The following NEK10 variants were observed in gnomAD, a reference collection of about 807,000 sequenced individuals.
NEK10 encodes the protein NIMA related kinase 10.
In NEK10, 122 loss-of-function variants were observed where a neutral mutation model predicts 159.8. That is an observed-to-expected ratio of 0.76 (90% confidence interval 0.66 to 0.89). NEK10 has a LOEUF of 0.89. Among genes scored for constraint, NEK10 ranks in the 40% least tolerant of loss-of-function variants. NEK10 has a pLI of 0.00. For missense variants in NEK10, 1,342 were observed against 1,323.1 expected (o/e 1.01, Z -0.22); for synonymous variants, 466 against 457.1 (o/e 1.02, Z -0.25).
chr3:27,223,096 C>T lies in NEK10; in HGVS notation c.2091-20539G>A, dbSNP rs546129679. ...CAGTTTCCAATGATTTTCTAGAACC[C>T]TTTCTTCATATTAAATAATGTGCAG... On this transcript the variant is annotated intron_variant, in intron 23 of 35. Transcript: ENST00000691995. Among the ~76,000 whole-genome samples the T allele has an allele frequency of 5.1e-4, 77 of 152,138 alleles. 1 individual carries two copies. Among genetic ancestry groups the T allele is most frequent in the Non-Finnish European group, 9.4e-4 (64 of 68,034 alleles).
intron 29 of NEK10, among the ~76,000 whole-genome samples, chr3:27,169,334 A>G (rs1311821059): frequency 1.3e-5 from 2 of 151,992 alleles, no homozygotes; most frequent in African/African-American, 4.8e-5. Context: ...CCCCACAAAC[A>G]CCCACTGTGG....
rs1156593257 is a variant in NEK10 at position 27,107,642 on chromosome 3, A to G, written c.*3630T>C. On this transcript the variant is annotated 3_prime_UTR_variant, in exon 36 of 36. Transcript: ENST00000691995. Reference sequence around the variant, plus strand: ...TTTCACCCAAGGAGTCAATGTCAATATTCGGAAGCATTAAGCTTCCCTTAC... The same window carrying G: ...TTTCACCCAAGGAGTCAATGTCAATGTTCGGAAGCATTAAGCTTCCCTTAC... Among the ~76,000 whole-genome samples the G allele has an allele frequency of 6.6e-6, 1 of 152,202 alleles. No homozygotes were observed. Among genetic ancestry groups the G allele is most frequent in the Non-Finnish European group, 1.5e-5 (1 of 68,028 alleles).
At chr3:27,232,349 T>C (rs1385636893) in intron 23 of NEK10, among the ~76,000 whole-genome samples, 1 of 151,690 alleles carries the variant, frequency 6.6e-6, no homozygotes, top group African/African-American at 2.4e-5. Flanking sequence ...AGGAATATAC[T>C]TAACCAAGGA....
intron 5 of NEK10, among the ~76,000 whole-genome samples, chr3:27,342,890 C>A (rs58325624): frequency 0.019 from 2,950 of 152,128 alleles, 90 homozygotes; most frequent in African/African-American, 0.067. Flanking sequence ...TCACTCCATT[C>A]AATCTAAGCA....
intron 10 of NEK10, 46 bp downstream of exon 10, chr3:27,308,880 T>G: frequency 1.2e-6 from 1 of 864,302 alleles, no homozygotes; most frequent in Non-Finnish European, 1.8e-6. Context: ...CCACCTAAAT[T>G]GCTATAGTAG....
intron 22 of NEK10, among the ~76,000 whole-genome samples, chr3:27,261,015 G>A (rs1196246539): frequency 6.6e-6 from 1 of 152,178 alleles, no homozygotes; most frequent in Non-Finnish European, 1.5e-5. Flanking sequence ...GCGTAGAGGT[G>A]TTTATAGTAT....
At chr3:27,324,625 C>G (rs2045886687) in intron 5 of NEK10, among the ~76,000 whole-genome samples, 1 of 152,116 alleles carries the variant, frequency 6.6e-6, no homozygotes, top group Admixed American at 6.6e-5. Flanking sequence ...AAGCCACCAC[C>G]ATCTTTTGCT....
chr3:27,346,991 G>A lies in NEK10; in HGVS notation c.133-775C>T, dbSNP rs1426544375. On this transcript the variant is annotated intron_variant, in intron 3 of 35. Coordinates refer to ENST00000691995, the MANE Select transcript of NEK10 (RefSeq NM_001394966.1). ...TAATTGGGGTAACCCTAAGGTTTCT[G>A]ATAACACAATAAAGTTGGGCATGGT... is the stretch of plus-strand genomic sequence containing the variant. 3.3e-5 allele frequency among the ~76,000 whole-genome samples: 5 copies of A among 152,108 alleles called. No individual in the cohort carries two copies. In the East Asian group the frequency reaches 9.6e-4, roughly 29 times the overall value.
At chr3:27,247,433 A>G (rs1955186231) in intron 23 of NEK10, among the ~76,000 whole-genome samples, 1 of 152,204 alleles carries the variant, frequency 6.6e-6, no homozygotes, top group South Asian at 2.1e-4. Context: ...ACATTGATTG[A>G]TTTACATATC....
intron 22 of NEK10, among the ~76,000 whole-genome samples, chr3:27,262,405 T>C (rs1401571830): frequency 6.6e-6 from 1 of 152,226 alleles, no homozygotes. Context: ...GAAGTACCCC[T>C]GGATAATATC....
chr3:27,253,481 C>T (rs1232983190), intron 23 of NEK10, among the ~76,000 whole-genome samples: 12 of 152,168 alleles, frequency 7.9e-5, no homozygotes, highest in Admixed American at 7.2e-4. Flanking sequence ...AATAATAAAT[C>T]ACATCAGATG....
At position 27,224,766 on chromosome 3, in the gene NEK10, G is replaced by T. The variant is rs1352929187; in HGVS notation, c.2091-22209C>A. 2.0e-5 allele frequency among the ~76,000 whole-genome samples: 3 copies of T among 152,134 alleles called. No individual in the cohort carries two copies. The East Asian group carries it at 5.8e-4, about 29-fold the overall frequency. The stretch of plus-strand genomic sequence containing the variant: ...TTTCTATGGAACCCGGGCTAAGATA[G>T]CAAGTTGCTTAAACATCATTTTTTC... On this transcript the variant is annotated intron_variant, in intron 23 of 35. Transcript: ENST00000691995.
intron 6 of NEK10, among the ~76,000 whole-genome samples, chr3:27,316,484 GCAGGCCCAGGTGAAAAAAATACAA>G (rs2045191517): frequency 6.6e-6 from 1 of 152,032 alleles, no homozygotes; most frequent in Admixed American, 6.6e-5. Flanking sequence ...CTGCAGTGCC[GCAGGCCCAGGTGAAAAAAATACAA>G]CAGGCCACAG....
At chr3:27,113,594 T>C (rs1235227649) in intron 35 of NEK10, among the ~76,000 whole-genome samples, 1 of 152,142 alleles carries the variant, frequency 6.6e-6, no homozygotes, top group Non-Finnish European at 1.5e-5. Flanking sequence ...ACCTTCATAA[T>C]AGATTCACAA....
intron 16 of NEK10, among the ~76,000 whole-genome samples, chr3:27,293,361 T>C (rs1448715099): frequency 1.3e-5 from 2 of 152,242 alleles, no homozygotes; most frequent in Admixed American, 6.5e-5. Context: ...TGTATTGATA[T>C]AGCAATTTAT....
Position 27,366,959 on chromosome 3 carries a change from C to T in NEK10, c.-38+2266G>A, listed in dbSNP as rs573437784. On this transcript the variant is annotated intron_variant, in intron 1 of 35. Coordinates refer to ENST00000691995, the MANE Select transcript of NEK10 (RefSeq NM_001394966.1). ...CCAAGTAGCGGGGATTACAGGTGTGCGCCACCATGCCCAGCTAATTTTGTA... is the reference window on the plus strand; with the variant it reads ...CCAAGTAGCGGGGATTACAGGTGTGTGCCACCATGCCCAGCTAATTTTGTA... Among the ~76,000 whole-genome samples the T allele has an allele frequency of 8.6e-5, 13 of 152,002 alleles. No homozygotes were observed. The East Asian group carries it at 1.2e-3, about 14-fold the overall frequency.
intron 1 of NEK10, among the ~76,000 whole-genome samples, chr3:27,356,013 T>C (rs913997214): frequency 1.3e-5 from 2 of 152,210 alleles, no homozygotes; most frequent in South Asian, 2.1e-4. Context: ...TCTGTCCTCA[T>C]GAGTGGGTTT....
intron 5 of NEK10, among the ~76,000 whole-genome samples, chr3:27,338,130 C>G (rs967454466): frequency 2.6e-5 from 4 of 152,106 alleles, no homozygotes; most frequent in Admixed American, 6.6e-5. Flanking sequence ...ATCTTCCGCT[C>G]CCTGTGTCCA....
At position 27,215,655 on chromosome 3, in the gene NEK10, G is replaced by A. The variant is rs1041208044; in HGVS notation, c.2091-13098C>T. The A allele has an allele frequency of 5.2e-6, 3 of 578,276 alleles. No homozygotes were observed. In the South Asian group the frequency reaches 6.9e-5, roughly 13 times the overall value. 35.8% of individuals were successfully genotyped at this position (578,276 alleles called of 1,614,324 possible). On this transcript the variant is annotated intron_variant, in intron 23 of 35. Coordinates refer to ENST00000691995, the MANE Select transcript of NEK10 (RefSeq NM_001394966.1). ...TGTTTATCACATTTAAAGAGTGTAT[G>A]AATCCGTTCTTGCACTACTACAAAG...
Sources: gnomAD v4.1 joint callset for allele counts (sites outside exome capture counted in the v4.1 genomes callset) on GRCh38, gnomAD v4.1.1 for gene constraint, MANE v1.5 for transcripts, NCBI Gene and HGNC (gene_info 2026-07-23, HGNC 2026-07-21) for gene names.